Variants in SLC14A2 observed in about 807,000 individuals in gnomAD.
SLC14A2 encodes solute carrier family 14 member 2.
A neutral mutation model predicts 104.6 loss-of-function variants in SLC14A2; 91 were observed. That is an observed-to-expected ratio of 0.87 (90% CI 0.73 to 1.04). The LOEUF (loss-of-function observed/expected upper bound fraction) is 1.04, where lower values mean the gene tolerates loss of function less well. Ranked by LOEUF, SLC14A2 falls within the 50% of genes least tolerant of loss-of-function variation. The probability of loss-of-function intolerance (pLI) is 0.00; values close to 1 mark genes in which losing one functional copy is unlikely to be tolerated. For missense variants in SLC14A2, 1,189 were observed against 1,156.0 expected, an observed-to-expected ratio of 1.03 and a Z score of -0.41; for synonymous variants, 476 against 466.4, an observed-to-expected ratio of 1.02 and a Z score of -0.27.
chr18:45,226,470 C>T (rs2144008449), intron 1 of SLC14A2, among the ~76,000 whole-genome samples: 1 of 152,074 alleles, frequency 6.6e-6, no homozygotes, highest in Admixed American at 6.5e-5. Flanking sequence ...ATATATACAC[C>T]ATGGAATACT....
At chr18:45,218,283 C>T (rs1184800524) in intron 1 of SLC14A2, among the ~76,000 whole-genome samples, 1 of 152,130 alleles carries the variant, frequency 6.6e-6, no homozygotes, top group Admixed American at 6.6e-5. Flanking sequence ...TTTGTTCTAG[C>T]TTATTTGGCT....
chr18:45,225,109 G>A (rs2084101394), intron 1 of SLC14A2, among the ~76,000 whole-genome samples: 1 of 152,100 alleles, frequency 6.6e-6, no homozygotes, highest in South Asian at 2.1e-4. Context: ...TTCTTCTAGG[G>A]TTTTTATGGT....
intron 10 of SLC14A2, among the ~76,000 whole-genome samples, chr18:45,652,103 T>A (rs1034554589): frequency 2.0e-5 from 3 of 152,250 alleles, no homozygotes; most frequent in African/African-American, 4.8e-5. Context: ...TAAACTTTGT[T>A]TTCTTGGGTC....
intron 2 of SLC14A2, among the ~76,000 whole-genome samples, chr18:45,608,920 G>A (rs1408480433): frequency 5.3e-5 from 8 of 152,154 alleles, no homozygotes; most frequent in African/African-American, 1.7e-4. Context: ...TTCTCCTTGG[G>A]TAGCTGGTCC....
At chr18:45,330,382 A>T (rs11661915) in intron 1 of SLC14A2, among the ~76,000 whole-genome samples, 1 of 152,074 alleles carries the variant, frequency 6.6e-6, no homozygotes, top group Admixed American at 6.5e-5. Flanking sequence ...GGGAAAATTT[A>T]TCATTAGGCT....
intron 11 of SLC14A2, 44 bp from the exon 12 acceptor site, chr18:45,666,093 G>A (rs778602929): frequency 1.5e-6 from 2 of 1,341,852 alleles, no homozygotes; most frequent in Non-Finnish European, 2.1e-6. Flanking sequence ...AGGTGCCAGA[G>A]TAGAGGTGTC....
chr18:45,495,959 T>C (rs892510909), intron 2 of SLC14A2, among the ~76,000 whole-genome samples: 41 of 152,186 alleles, frequency 2.7e-4, no homozygotes, highest in African/African-American at 7.0e-4. Flanking sequence ...AAAGGCACTT[T>C]AGCAATTCAT....
At chr18:45,187,762 T>TAAAAAA in the SLC14A2 span, among the ~76,000 whole-genome samples, 1 of 151,378 alleles carries the variant, frequency 6.6e-6, no homozygotes, top group African/African-American at 2.4e-5. Context: ...CTGCTTCTGG[T>TAAAAAA]AAAAAAATAA....
intron 10 of SLC14A2, among the ~76,000 whole-genome samples, chr18:45,652,767 G>A (rs1359796864): frequency 1.3e-5 from 2 of 152,138 alleles, no homozygotes; most frequent in Admixed American, 6.5e-5. Context: ...CTCTAGTCAA[G>A]GGGACAAGAT....
intron 4 of SLC14A2, among the ~76,000 whole-genome samples, chr18:45,627,964 C>G (rs1348595622): frequency 7.0e-6 from 1 of 143,018 alleles, no homozygotes; most frequent in African/African-American, 2.7e-5. Context: ...GATCGTGCCA[C>G]TGCACTCCAG....
chr18:45,313,285 T>G lies in SLC14A2; in HGVS notation c.-125+100094T>G, dbSNP rs909213062. Among the ~76,000 whole-genome samples, 3 of 152,260 alleles carry G rather than the reference T, an allele frequency of 2.0e-5. No individual in the cohort carries two copies. The South Asian group carries it at 6.2e-4, about 32-fold the overall frequency. On this transcript the variant is annotated intron_variant, in intron 1 of 20. Coordinates refer to the SLC14A2 transcript ENST00000586448. Reference sequence around the variant, plus strand: ...GGATTGGAGGAAGGCTGGGCTGGCCTCCCTTCCTGCTCCACACTAGGAATA... The same window carrying G: ...GGATTGGAGGAAGGCTGGGCTGGCCGCCCTTCCTGCTCCACACTAGGAATA...
At chr18:45,514,778 G>A (rs2043413845) in intron 2 of SLC14A2, among the ~76,000 whole-genome samples, 1 of 152,158 alleles carries the variant, frequency 6.6e-6, no homozygotes, top group Non-Finnish European at 1.5e-5. Context: ...AACGTAGATG[G>A]GGAAACACCC....
chr18:45,408,077 G>A (rs932004364), intron 1 of SLC14A2, among the ~76,000 whole-genome samples: 6 of 152,186 alleles, frequency 3.9e-5, no homozygotes, highest in Non-Finnish European at 7.3e-5. Flanking sequence ...TCTGTGAAGT[G>A]CAATCAAACA....
intron 2 of SLC14A2, among the ~76,000 whole-genome samples, chr18:45,540,904 G>T (rs1372990338): frequency 6.6e-6 from 1 of 152,094 alleles, no homozygotes; most frequent in African/African-American, 2.4e-5. Flanking sequence ...AAGAAGCTAA[G>T]AATCAAGGAT....
At chr18:45,216,246 C>T (rs1453666125) in intron 1 of SLC14A2, among the ~76,000 whole-genome samples, 1 of 152,106 alleles carries the variant, frequency 6.6e-6, no homozygotes, top group Non-Finnish European at 1.5e-5. Context: ...TAGTGAATTT[C>T]AAGTATAAAT....
intron 1 of SLC14A2, among the ~76,000 whole-genome samples, chr18:45,326,774 G>C (rs1027095682): frequency 6.6e-6 from 1 of 152,172 alleles, no homozygotes; most frequent in African/African-American, 2.4e-5. Context: ...CTTAGGGCAG[G>C]CTCTACAAAT....
intron 1 of SLC14A2, among the ~76,000 whole-genome samples, chr18:45,415,735 G>T (rs2086269648): frequency 6.6e-6 from 1 of 152,160 alleles, no homozygotes. Context: ...TTCTAATGGG[G>T]CTGAGTGGAG....
intron 2 of SLC14A2, among the ~76,000 whole-genome samples, chr18:45,496,476 G>A (rs1568241561): frequency 1.3e-5 from 2 of 152,136 alleles, no homozygotes; most frequent in Non-Finnish European, 2.9e-5. Context: ...GCAGAAGAAG[G>A]TGGGATAACC....
chr18:45,512,103 T>C (rs1421204), intron 2 of SLC14A2, among the ~76,000 whole-genome samples: 37,111 of 152,054 alleles, frequency 0.24, 4,854 homozygotes, highest in African/African-American at 0.32. Flanking sequence ...AGATGCTATA[T>C]GGGTAAACCA....
Sources: gnomAD v4.1 joint callset for allele counts (sites outside exome capture counted in the v4.1 genomes callset) on GRCh38, gnomAD v4.1.1 for gene constraint, MANE v1.5 for transcripts, NCBI Gene and HGNC (gene_info 2026-07-23, HGNC 2026-07-21) for gene names.